Variants in OSBPL1A observed in about 807,000 individuals in gnomAD.
OSBPL1A encodes the protein oxysterol binding protein like 1A.
In OSBPL1A, 80 loss-of-function variants were observed where a neutral mutation model predicts 137.1. That is an observed-to-expected ratio of 0.58 (90% CI 0.49 to 0.70). The LOEUF (loss-of-function observed/expected upper bound fraction) is 0.70. OSBPL1A is among the 30% of genes least tolerant of loss of function. OSBPL1A has a pLI of 0.00. For synonymous variants in OSBPL1A, 365 were observed against 389.7 expected (o/e 0.94, Z 0.75); for missense variants, 970 against 1,129.4 (o/e 0.86, Z 2.02).
intron 4 of OSBPL1A, among the ~76,000 whole-genome samples, chr18:24,359,333 C>T (rs925671608): frequency 3.9e-5 from 6 of 152,120 alleles, no homozygotes; most frequent in Non-Finnish European, 8.8e-5. Context: ...AGCGATCCTC[C>T]TGCCTTCGCC....
intron 1 of OSBPL1A, among the ~76,000 whole-genome samples, chr18:24,391,257 A>G (rs1010850573): frequency 5.3e-5 from 8 of 152,228 alleles, no homozygotes; most frequent in African/African-American, 1.9e-4. Context: ...CAGACAAAAC[A>G]TAGAATGGTG....
intron 15 of OSBPL1A, among the ~76,000 whole-genome samples, chr18:24,275,531 A>G (rs1489322020): frequency 6.6e-6 from 1 of 152,180 alleles, no homozygotes; most frequent in Admixed American, 6.5e-5. Flanking sequence ...TGACTACAGG[A>G]CTGCCCGACA....
At chr18:24,379,628 C>G (rs1187521843) in intron 1 of OSBPL1A, among the ~76,000 whole-genome samples, 1 of 151,694 alleles carries the variant, frequency 6.6e-6, no homozygotes, top group Non-Finnish European at 1.5e-5. Flanking sequence ...ATTTATTTGG[C>G]AGGCCGAGGT....
At chr18:24,272,364 G>T in intron 15 of OSBPL1A, 1 of 876,224 alleles carries the variant, frequency 1.1e-6, no homozygotes, top group Non-Finnish European at 1.4e-6. Flanking sequence ...AAGCGTTCGC[G>T]TTTACGGTTC....
chr18:24,292,513 T>C (rs1424583021), intron 14 of OSBPL1A, among the ~76,000 whole-genome samples: 1 of 152,118 alleles, frequency 6.6e-6, no homozygotes, highest in Non-Finnish European at 1.5e-5. Context: ...CACTCACTCA[T>C]TCATCACACA....
chr18:24,258,812 T>C (rs1198312301), intron 15 of OSBPL1A, among the ~76,000 whole-genome samples: 1 of 151,958 alleles, frequency 6.6e-6, no homozygotes, highest in Non-Finnish European at 1.5e-5. Flanking sequence ...ATTGCCAATA[T>C]ATTTTAATGT....
intron 16 of OSBPL1A, among the ~76,000 whole-genome samples, chr18:24,229,266 T>C (rs1174776316): frequency 1.3e-5 from 2 of 152,180 alleles, no homozygotes; most frequent in African/African-American, 2.4e-5. Context: ...AGTCTCCCGA[T>C]ACATGTCATG....
chr18:24,281,389 T>C (rs1215227411), intron 14 of OSBPL1A, among the ~76,000 whole-genome samples: 1 of 149,108 alleles, frequency 6.7e-6, no homozygotes, highest in Non-Finnish European at 1.5e-5. Context: ...CGGCTTTTTT[T>C]TTTTATTTTT....
intron 17 of OSBPL1A, among the ~76,000 whole-genome samples, chr18:24,220,852 A>T (rs1020635433): frequency 1.3e-5 from 2 of 151,646 alleles, no homozygotes; most frequent in Non-Finnish European, 2.9e-5. Context: ...TCGCTTTGTC[A>T]CCCAGGCTGG....
rs148720318 is a variant in OSBPL1A, at chr18:24,199,568, T to C, written c.1602-3368A>G. 1.5e-3 allele frequency among the ~76,000 whole-genome samples: 226 copies of C among 152,320 alleles called. 1 individual carries two copies. Among genetic ancestry groups the C allele is most frequent in the Non-Finnish European group, 2.2e-3 (153 of 68,046 alleles). On this transcript the variant is annotated intron_variant, in intron 17 of 27. Coordinates refer to ENST00000319481, the MANE Select transcript of OSBPL1A (RefSeq NM_080597.4). ...GCTGTGGCCCTGTTGCCTAGGACAA[T>C]GGCTAGCACCAACTGGGAGTTTAAG...
At chr18:24,240,603 G>A (rs552631667) in intron 15 of OSBPL1A, among the ~76,000 whole-genome samples, 33 of 152,206 alleles carry the variant, frequency 2.2e-4, no homozygotes, top group Non-Finnish European at 3.2e-4. Context: ...TAGCAGCAGC[G>A]TCTTCTCAGA....
chr18:24,259,261 G>A (rs1427552091), intron 15 of OSBPL1A, among the ~76,000 whole-genome samples: 1 of 152,056 alleles, frequency 6.6e-6, no homozygotes, highest in Non-Finnish European at 1.5e-5. Context: ...CTGTATCCTA[G>A]TACCTGGAAT....
intron 15 of OSBPL1A, among the ~76,000 whole-genome samples, chr18:24,250,740 G>C (rs1366112246): frequency 6.6e-6 from 1 of 152,174 alleles, no homozygotes; most frequent in Non-Finnish European, 1.5e-5. Context: ...AAGGTAAAGG[G>C]ACTTTGTCTT....
intron 1 of OSBPL1A, among the ~76,000 whole-genome samples, chr18:24,381,015 A>G (rs1906551552): frequency 6.6e-6 from 1 of 152,178 alleles, no homozygotes; most frequent in Non-Finnish European, 1.5e-5. Flanking sequence ...CTCTGCAGGA[A>G]GCCAAACCCA....
At chr18:24,386,194 T>C (rs1906955101) in intron 1 of OSBPL1A, among the ~76,000 whole-genome samples, 2 of 152,138 alleles carry the variant, frequency 1.3e-5, no homozygotes, top group South Asian at 4.1e-4. Flanking sequence ...AATACAGTCA[T>C]AGAGATTGTT....
intron 7 of OSBPL1A, among the ~76,000 whole-genome samples, chr18:24,325,536 C>T (rs938875869): frequency 1.3e-5 from 2 of 152,212 alleles, no homozygotes; most frequent in Non-Finnish European, 2.9e-5. Flanking sequence ...GCTTAGAGAG[C>T]CCTTCCTTTG....
chr18:24,271,017 C>G lies in OSBPL1A; in HGVS notation c.1281+9825G>C, dbSNP rs1291627420. Among the ~76,000 whole-genome samples the G allele has an allele frequency of 2.0e-5, 3 of 152,108 alleles. No homozygotes were observed. Among genetic ancestry groups the G allele is most frequent in the Non-Finnish European group, 4.4e-5 (3 of 68,012 alleles). ...GCCACATGCTCTGAATGCTAGGAAACGTGATTCCCCGCTGGTTTAGGCTAC... is the reference window on the plus strand; with the variant it reads ...GCCACATGCTCTGAATGCTAGGAAAGGTGATTCCCCGCTGGTTTAGGCTAC... On this transcript the variant is annotated intron_variant, in intron 15 of 27. Coordinates refer to ENST00000319481, the MANE Select transcript of OSBPL1A (RefSeq NM_080597.4). The surrounding 1 kb of genome is among the most constrained non-coding windows in gnomAD (Gnocchi z 4.0).
intron 17 of OSBPL1A, among the ~76,000 whole-genome samples, chr18:24,213,195 T>A (rs2087595610): frequency 1.3e-5 from 2 of 152,232 alleles, no homozygotes. Flanking sequence ...AGACAAGAGC[T>A]CTAAGGCTAG....
intron 15 of OSBPL1A, among the ~76,000 whole-genome samples, chr18:24,258,923 A>ACC (rs1567982103): frequency 8.0e-6 from 1 of 124,626 alleles, no homozygotes; most frequent in Non-Finnish European, 1.8e-5. Context: ...TTAAAATTAC[A>ACC]TCTTTTTTTT....
Sources: allele counts gnomAD v4.1 joint callset (sites outside exome capture counted in the v4.1 genomes callset), GRCh38; gene constraint gnomAD v4.1.1; non-coding constraint Gnocchi (gnomAD v3.1); transcripts MANE v1.5; gene names NCBI Gene and HGNC (gene_info 2026-07-23, HGNC 2026-07-21).